The following ATM variants were observed in gnomAD, a reference collection of about 807,000 sequenced individuals.
The protein encoded by ATM is serine-protein kinase ATM.
In ATM, 308 loss-of-function variants were observed where a neutral mutation model predicts 387.0. The ratio of observed to expected loss-of-function variants is 0.80; its 90% CI spans 0.73 to 0.87. The LOEUF is 0.87. Ranked by LOEUF, ATM falls within the 40% of genes least tolerant of loss-of-function variation. The probability of loss-of-function intolerance (pLI) is 0.00; values close to 1 mark genes in which losing one functional copy is unlikely to be tolerated. For synonymous variants in ATM, 1,156 were observed against 1,187.3 expected (o/e 0.97, Z 0.54); for missense variants, 3,312 against 3,560.9 (o/e 0.93, Z 1.78).
At chr11:108,308,222 A>ATTATGCAGCCTTG (rs2083847409) in intron 38 of ATM, among the ~76,000 whole-genome samples, 1 of 152,174 alleles carries the variant, frequency 6.6e-6, no homozygotes, top group East Asian at 1.9e-4. Flanking sequence ...CCTTTGTTAA[A>ATTATGCAGCCTTG]TTATGCAGCC....
rs1244599957 is a variant in ATM at position 108,271,108 on chromosome 11, G to C, written c.2883G>C (p.Leu961Phe). Residue 961 changes from leucine (L) to phenylalanine (F), a missense_variant, in exon 19 of 63, where the codon TTG becomes TTC. Transcript: ENST00000675843. ...LKELPGEEYP[L>F]PMEDVLELLK... ...AGCTTCCTGGAGAAGAGTACCCCTT[G>C]CCAATGGAAGATGTTCTTGAACTTC... The C allele has an allele frequency of 6.2e-7, 1 of 1,613,894 alleles. No homozygotes were observed. Among genetic ancestry groups the C allele is most frequent in the Non-Finnish European group, 8.5e-7 (1 of 1,180,010 alleles).
intron 37 of ATM, 35 bp from the exon 38 acceptor site, chr11:108,307,862 G>A (rs1191085817): frequency 7.7e-6 from 12 of 1,549,398 alleles, no homozygotes; most frequent in African/African-American, 1.4e-5. Context: ...AAGCAAGAAT[G>A]CCTGGGACTG....
Position 108,330,237 on chromosome 11 carries a change from A to T in ATM, c.7331A>T (p.Glu2444Val). The T allele has an allele frequency of 6.2e-7, 1 of 1,614,174 alleles. No homozygotes were observed. The highest frequency in any genetic ancestry group is 8.5e-7 in the Non-Finnish European group (1 of 1,180,022). ...AGATACACAGTAAAGGTTCAGCGAGAGCTGGAGTTGGATGAATTAGCCCTG... is the reference window on the plus strand; with the variant it reads ...AGATACACAGTAAAGGTTCAGCGAGTGCTGGAGTTGGATGAATTAGCCCTG... ...TNRYTVKVQR[E>V]LELDELALRA... The change falls in exon 50 of 63, where the codon GAG (glutamate) becomes GTG (valine). Residue 2444 changes from glutamate to valine, a missense_variant. By Grantham distance (121) the Glu-to-Val change is moderately radical. Around this residue, in one of 4 missense-constraint regions of ATM, gnomAD observed 1,405 missense variants for 1,604.4 expected, o/e 0.88. Transcript: ENST00000675843.
chr11:108,282,836 C>T lies in ATM; in HGVS notation c.3703C>T (p.Pro1235Ser), dbSNP rs779095853. The change falls in exon 25 of 63, where the codon CCT becomes TCT. Residue 1235 changes from proline (P) to serine (S), a missense_variant. By Grantham distance (74) the Pro-to-Ser change is moderately conservative. Coordinates refer to ENST00000675843, the MANE Select transcript of ATM (RefSeq NM_000051.4). ...TACTGAATACAACTTATCTTCTTTT[C>T]CTTTTATTTTATTAAACTACACAAA... ...QDTEYNLSSF[P>S]FILLNYTNIE... The T allele has an allele frequency of 2.6e-6, 4 of 1,535,764 alleles. No homozygotes were observed. The highest frequency in any genetic ancestry group is 3.6e-6 in the Non-Finnish European group (4 of 1,111,726).
chr11:108,251,015 T>C lies in ATM; in HGVS notation c.1550T>C (p.Val517Ala), dbSNP rs777986229. Reference protein sequence around the residue: ...LLGAIIQGSLVEVDREFWKLF... With the variant: ...LLGAIIQGSLAEVDREFWKLF... ...GGAGCCATAATTCAGGGTAGTTTAGTTGAGGTTGACAGAGAATTCTGGAAG... is the reference window on the plus strand; with the variant it reads ...GGAGCCATAATTCAGGGTAGTTTAGCTGAGGTTGACAGAGAATTCTGGAAG... Residue 517 changes from valine to alanine, a missense_variant, in exon 10 of 63, where the codon GTT becomes GCT. Val to Ala is a moderately conservative substitution (Grantham distance 64). Transcript: ENST00000675843. 1.2e-6 allele frequency: 2 copies of C among 1,614,188 alleles called. No individual in the cohort carries two copies. The highest frequency in any genetic ancestry group is 2.2e-5 in the South Asian group (2 of 91,092).
At chr11:108,231,170 A>C (rs932220146) in intron 4 of ATM, among the ~76,000 whole-genome samples, 1 of 152,086 alleles carries the variant, frequency 6.6e-6, no homozygotes, top group Non-Finnish European at 1.5e-5. Context: ...GAAAAAAACA[A>C]CCCCCAAAAA....
At chr11:108,316,176 G>C in intron 42 of ATM, 63 bp downstream of exon 42, 2 of 1,422,662 alleles carry the variant, frequency 1.4e-6, no homozygotes, top group Non-Finnish European at 2.0e-6. Flanking sequence ...ATTTCAGTAT[G>C]TTGGTGGATA....
chr11:108,267,114 C>T (rs2081295781), intron 16 of ATM, 57 bp from the exon 17 acceptor site: 2 of 1,567,854 alleles, frequency 1.3e-6, no homozygotes, highest in South Asian at 1.1e-5. Context: ...TAAATTTTGA[C>T]TACAGCATGC....
intron 61 of ATM, among the ~76,000 whole-genome samples, chr11:108,357,357 G>A (rs1030924415): frequency 3.3e-5 from 5 of 152,166 alleles, no homozygotes; most frequent in Non-Finnish European, 2.9e-5. Context: ...AGGTGGCAGC[G>A]AGGCTGGGGG....
chr11:108,318,430 C>A (rs1451750944), intron 43 of ATM, among the ~76,000 whole-genome samples: 2 of 152,088 alleles, frequency 1.3e-5, no homozygotes, highest in Non-Finnish European at 2.9e-5. Context: ...GTGGCTCACA[C>A]CTGTAATCCC....
intron 1 of ATM, chr11:108,225,991 C>G (rs2078718007): frequency 6.6e-6 from 1 of 152,004 alleles, no homozygotes; most frequent in Non-Finnish European, 1.5e-5. Context: ...TACCTTTTTA[C>G]TTCTTGAGAT....
At chr11:108,224,567 C>G (rs952365580) in intron 1 of ATM, 25 of 152,224 alleles carry the variant, frequency 1.6e-4, no homozygotes, top group African/African-American at 5.8e-4. Context: ...TCTTTCAGTT[C>G]CGCCAACATA....
In ATM at chr11:108,365,193, G is replaced by A. The variant is rs1158699807; in HGVS notation, c.8962G>A (p.Asp2988Asn). ...GCTTCACCCTACTCTGAATGCAGAT[G>A]ACCAAGAATGCAAACGAAATCTCAG... The part of the protein sequence containing the change: ...TELHPTLNAD[D>N]QECKRNLSDI... Residue 2988 changes from aspartate to asparagine, a missense_variant, in exon 62 of 63, where the codon GAC becomes AAC. Around this residue, in one of 4 missense-constraint regions of ATM, gnomAD observed 95 missense variants for 100.3 expected, o/e 0.95. Transcript: ENST00000675843. 1 of 1,614,206 alleles carries A rather than the reference G, an allele frequency of 6.2e-7. No individual in the cohort carries two copies. The highest frequency in any genetic ancestry group is 1.7e-5 in the Admixed American group (1 of 60,018).
At chr11:108,302,211 T>C (rs1006176841) in intron 35 of ATM, among the ~76,000 whole-genome samples, 1 of 152,152 alleles carries the variant, frequency 6.6e-6, no homozygotes, top group Admixed American at 6.5e-5. Flanking sequence ...TTCTCCCTTT[T>C]TCCATGTTGA....
At chr11:108,254,174 G>T in intron 13 of ATM, 135 bp downstream of exon 13, 1 of 761,558 alleles carries the variant, frequency 1.3e-6, no homozygotes, top group South Asian at 1.7e-5. Flanking sequence ...GGCAGTAAAG[G>T]GCTCTAAATT....
At chr11:108,325,883 G>C in intron 46 of ATM, among the ~76,000 whole-genome samples, 175 bp from the exon 47 acceptor site, 1 of 152,190 alleles carries the variant, frequency 6.6e-6, no homozygotes, top group Non-Finnish European at 1.5e-5. Context: ...CAGACAGACA[G>C]ATAGGCAGAC....
intron 47 of ATM, among the ~76,000 whole-genome samples, chr11:108,327,080 G>A (rs1386934269): frequency 6.6e-6 from 1 of 152,098 alleles, no homozygotes; most frequent in African/African-American, 2.4e-5. Context: ...TACCCGCCTT[G>A]TCCTCTGAAA....
At chr11:108,293,568 ATCTTT>A in intron 31 of ATM, 91 bp downstream of exon 31, 1 of 1,167,606 alleles carries the variant, frequency 8.6e-7, no homozygotes, top group Non-Finnish European at 1.2e-6. Context: ...AAAAAATGGA[ATCTTT>A]TCTTTAATTG....
intron 11 of ATM, 119 bp from the exon 12 acceptor site, chr11:108,252,698 T>C: frequency 1.4e-6 from 1 of 723,730 alleles, no homozygotes; most frequent in Non-Finnish European, 2.4e-6. Flanking sequence ...AAAGCAATTT[T>C]AATCTAGGAT....
Sources: allele counts gnomAD v4.1 joint callset (sites outside exome capture counted in the v4.1 genomes callset), GRCh38; gene constraint gnomAD v4.1.1; regional missense constraint gnomAD v4.1.1; transcripts MANE v1.5; gene names NCBI Gene and HGNC (gene_info 2026-07-23, HGNC 2026-07-21).